EPHA7: variants seen among roughly 807,000 people sequenced by gnomAD.
EPHA7 encodes the protein ephrin type-A receptor 7.
In EPHA7, 25 loss-of-function variants were observed where a neutral mutation model predicts 112.6. The ratio of observed to expected loss-of-function variants is 0.22; its 90% CI spans 0.16 to 0.31. The LOEUF is 0.31. Among genes scored for constraint, EPHA7 ranks in the 10% least tolerant of loss-of-function variants. The pLI, the probability that EPHA7 is intolerant of heterozygous loss-of-function variation, is 1.00. For missense variants in EPHA7, 962 were observed against 1,212.6 expected, an observed-to-expected ratio of 0.79 and a Z score of 3.07; for synonymous variants, 437 against 406.5, an observed-to-expected ratio of 1.07 and a Z score of -0.90.
At chr6:93,407,579 C>T (rs937632303) in intron 3 of EPHA7, among the ~76,000 whole-genome samples, 8 of 152,052 alleles carry the variant, frequency 5.3e-5, no homozygotes, top group African/African-American at 1.9e-4. Flanking sequence ...TGACTTATAA[C>T]AACGCACACA....
chr6:93,410,809 C>A lies in EPHA7; in HGVS notation c.524G>T (p.Gly175Val), dbSNP rs753104602. The change falls in exon 3 of 17, where the codon GGA (glycine) becomes GTA (valine). Residue 175 changes from glycine (G) to valine (V), a missense_variant. By Grantham distance (109) the Gly-to-Val change is moderately radical. Around this residue, in one of 3 missense-constraint regions of EPHA7, gnomAD observed 160 missense variants for 263.6 expected, o/e 0.61. Coordinates refer to ENST00000369303, the MANE Select transcript of EPHA7 (RefSeq NM_004440.4). The surrounding 1 kb of genome is among the most constrained non-coding windows in gnomAD (Gnocchi z 4.0). ...MKLNTEVREIGPLSKKGFYLA... is the reference protein window; with the variant it reads ...MKLNTEVREIVPLSKKGFYLA... Reference sequence around the variant, plus strand: ...ATAGAATCCCTTTTTGGACAAAGGTCCAATCTCTCTCACCTCAGTGTTAAG... The same window carrying A: ...ATAGAATCCCTTTTTGGACAAAGGTACAATCTCTCTCACCTCAGTGTTAAG... The A allele has an allele frequency of 1.2e-6, 2 of 1,613,920 alleles. No individual in the cohort carries two copies. Among genetic ancestry groups the A allele is most frequent in the African/African-American group, 2.7e-5 (2 of 74,908 alleles).
At chr6:93,287,687 A>G (rs1431780672) in intron 5 of EPHA7, among the ~76,000 whole-genome samples, 1 of 150,532 alleles carries the variant, frequency 6.6e-6, no homozygotes, top group East Asian at 2.0e-4. Context: ...CCCTCCTTCC[A>G]CCCTCCAACC....
At chr6:93,278,634 C>G (rs973366341) in intron 5 of EPHA7, among the ~76,000 whole-genome samples, 1 of 151,766 alleles carries the variant, frequency 6.6e-6, no homozygotes, top group Non-Finnish European at 1.5e-5. Context: ...TTAGAATTTG[C>G]AACATTAGAT....
At chr6:93,270,213 A>G (rs1326989986) in intron 6 of EPHA7, among the ~76,000 whole-genome samples, 1 of 151,592 alleles carries the variant, frequency 6.6e-6, no homozygotes, top group Non-Finnish European at 1.5e-5. Context: ...AAATATTTTT[A>G]AAGTAAAATT....
intron 3 of EPHA7, among the ~76,000 whole-genome samples, chr6:93,374,004 A>G (rs75066043): frequency 0.027 from 4,062 of 152,242 alleles, 167 homozygotes; most frequent in African/African-American, 0.092. Context: ...AACATGTCAG[A>G]AGAATTATTA....
At chr6:93,367,844 T>C (rs2127956774) in intron 3 of EPHA7, among the ~76,000 whole-genome samples, 1 of 152,314 alleles carries the variant, frequency 6.6e-6, no homozygotes, top group South Asian at 2.1e-4. Context: ...AGTTAAGTAC[T>C]GTGACTATTT....
chr6:93,283,968 A>G (rs1026962227), intron 5 of EPHA7, among the ~76,000 whole-genome samples: 2 of 152,228 alleles, frequency 1.3e-5, no homozygotes, highest in Non-Finnish European at 2.9e-5. Flanking sequence ...AGGTATGCCT[A>G]TTCTTAAAGT....
intron 5 of EPHA7, among the ~76,000 whole-genome samples, chr6:93,315,741 T>C (rs1254510975): frequency 6.6e-6 from 1 of 152,198 alleles, no homozygotes; most frequent in East Asian, 1.9e-4. Flanking sequence ...ACTTTTTACC[T>C]AAGAAGTACT....
chr6:93,371,561 T>C (rs1255167724), intron 3 of EPHA7, among the ~76,000 whole-genome samples: 1 of 152,186 alleles, frequency 6.6e-6, no homozygotes, highest in Non-Finnish European at 1.5e-5. Flanking sequence ...AACACCTATG[T>C]GTGCATATAT....
intron 5 of EPHA7, among the ~76,000 whole-genome samples, chr6:93,354,486 T>A (rs1266546313): frequency 6.6e-6 from 1 of 151,962 alleles, no homozygotes; most frequent in Non-Finnish European, 1.5e-5. Context: ...TTATCATTTT[T>A]TCTTTTCATC....
intron 5 of EPHA7, among the ~76,000 whole-genome samples, chr6:93,286,632 C>T (rs2127830818): frequency 6.6e-6 from 1 of 152,238 alleles, no homozygotes; most frequent in African/African-American, 2.4e-5. Flanking sequence ...GGAATTGATT[C>T]AGATTTCCTA....
At chr6:93,277,110 T>G (rs1222317522) in intron 5 of EPHA7, among the ~76,000 whole-genome samples, 1 of 152,078 alleles carries the variant, frequency 6.6e-6, no homozygotes, top group Non-Finnish European at 1.5e-5. Context: ...TGCTCTTTCA[T>G]GGAACGCTTT....
chr6:93,298,140 T>C (rs1265668004), intron 5 of EPHA7, among the ~76,000 whole-genome samples: 21 of 152,090 alleles, frequency 1.4e-4, no homozygotes, highest in Admixed American at 1.4e-3. Context: ...AGAAACAGGC[T>C]TTAGTCTCTA....
chr6:93,332,140 G>A (rs1774624664), intron 5 of EPHA7, among the ~76,000 whole-genome samples: 1 of 151,598 alleles, frequency 6.6e-6, no homozygotes, highest in African/African-American at 2.4e-5. Flanking sequence ...TGGTTTCAAA[G>A]TGTATTTACA....
At chr6:93,376,379 G>A (rs892382400) in intron 3 of EPHA7, among the ~76,000 whole-genome samples, 2 of 151,914 alleles carry the variant, frequency 1.3e-5, no homozygotes, top group South Asian at 2.1e-4. Flanking sequence ...GGTGCCAGGC[G>A]ACCCACCTGT....
chr6:93,279,957 G>A (rs766813451), intron 5 of EPHA7, among the ~76,000 whole-genome samples: 1 of 152,026 alleles, frequency 6.6e-6, no homozygotes, highest in Non-Finnish European at 1.5e-5. Context: ...TGCCCAAAAG[G>A]TATGATTACT....
intron 5 of EPHA7, among the ~76,000 whole-genome samples, chr6:93,346,557 C>G (rs904732145): frequency 2.6e-5 from 4 of 151,720 alleles, no homozygotes; most frequent in African/African-American, 7.3e-5. Context: ...CAGGGTATTA[C>G]TAAAATATAA....
At chr6:93,343,282 G>A (rs1279745697) in intron 5 of EPHA7, among the ~76,000 whole-genome samples, 1 of 151,574 alleles carries the variant, frequency 6.6e-6, no homozygotes, top group East Asian at 1.9e-4. Flanking sequence ...AACTGCAGAT[G>A]TTTTAACCTA....
chr6:93,250,510 G>A (rs1298950901), intron 14 of EPHA7, among the ~76,000 whole-genome samples: 1 of 152,032 alleles, frequency 6.6e-6, no homozygotes, highest in Non-Finnish European at 1.5e-5. Flanking sequence ...AAAAGAGAGG[G>A]CCAGTCAGTA....
Sources: allele counts gnomAD v4.1 joint callset (sites outside exome capture counted in the v4.1 genomes callset), GRCh38; gene constraint gnomAD v4.1.1; regional missense constraint gnomAD v4.1.1; non-coding constraint Gnocchi (gnomAD v3.1); transcripts MANE v1.5; gene names NCBI Gene and HGNC (gene_info 2026-07-23, HGNC 2026-07-21).